The following NUP155 variants were observed in gnomAD, a reference collection of about 807,000 sequenced individuals.
The protein encoded by NUP155 is nuclear pore complex protein Nup155.
Under a neutral mutation model 180.4 loss-of-function variants are expected in NUP155, and 71 were observed. The ratio of observed to expected loss-of-function variants is 0.39; its 90% CI spans 0.33 to 0.48. The LOEUF is 0.48. Among genes scored for constraint, NUP155 ranks in the 20% least tolerant of loss-of-function variants. The pLI is 0.91. For synonymous variants in NUP155, 582 were observed against 559.5 expected, an observed-to-expected ratio of 1.04 and a Z score of -0.57; for missense variants, 1,553 against 1,648.9, an observed-to-expected ratio of 0.94 and a Z score of 1.01.
At position 37,291,493 on chromosome 5, in the gene NUP155, T is replaced by G. The variant is rs948750595; in HGVS notation, c.*407A>C. On this transcript the variant is annotated 3_prime_UTR_variant, in exon 35 of 35. Coordinates refer to ENST00000231498, the MANE Select transcript of NUP155 (RefSeq NM_153485.3). Reference sequence around the variant, plus strand: ...CTCTTGGCCTCGTGATTCGCCCACCTTGGCCTCCCAAAGTGCTGGGATTAC... The same window carrying G: ...CTCTTGGCCTCGTGATTCGCCCACCGTGGCCTCCCAAAGTGCTGGGATTAC... 1 of 165,634 alleles carries G rather than the reference T, an allele frequency of 6.0e-6. No individual in the cohort carries two copies. Among genetic ancestry groups the G allele is most frequent in the African/African-American group, 2.4e-5 (1 of 41,620 alleles). The allele number at this position is 165,634 out of a possible 1,614,324, so 10.3% of individuals were successfully genotyped here. A position where few individuals can be genotyped will look rare whatever the true frequency, so the allele number is the denominator to read the frequency against.
intron 30 of NUP155, chr5:37,301,201 C>T: frequency 2.2e-6 from 1 of 446,992 alleles, no homozygotes; most frequent in Non-Finnish European, 4.1e-6. Flanking sequence ...ACACAGCTCT[C>T]ATGCGAGGAT....
At chr5:37,343,039 G>A (rs1334748726) in intron 9 of NUP155, among the ~76,000 whole-genome samples, 1 of 151,758 alleles carries the variant, frequency 6.6e-6, no homozygotes, top group African/African-American at 2.4e-5. Flanking sequence ...GTGAGCCACT[G>A]TGCCCGACCA....
Position 37,294,025 on chromosome 5 carries a change from A to AAAAAAAAAAAAAAAT in NUP155, c.3930+303_3930+304insATTTTTTTTTTTTTT, listed in dbSNP as rs1742383136. Among the ~76,000 whole-genome samples, 4 of 76,054 alleles carry AAAAAAAAAAAAAAAT rather than the reference A, an allele frequency of 5.3e-5. 1 individual carries two copies. The highest frequency in any genetic ancestry group is 8.4e-5 in the Non-Finnish European group (4 of 47,462). The allele number at this position is 76,054 out of a possible 152,430, so 49.9% of individuals were successfully genotyped here. A position where few individuals can be genotyped will look rare whatever the true frequency, so the allele number is the denominator to read the frequency against. ...CGTCTCAAAAAAAAAAAAAAAAAAAAAAATAAAGCAAATGATGATTCTTAA... is the reference window on the plus strand; with the variant it reads ...CGTCTCAAAAAAAAAAAAAAAAAAAAAAAAAAAAAAAAAATAAATAAAGCAAATGATGATTCTTAA... On this transcript the variant is annotated intron_variant, in intron 33 of 34. Transcript: ENST00000231498.
At chr5:37,331,926 G>GT in intron 13 of NUP155, 131 bp from the exon 14 acceptor site, 2 of 670,378 alleles carry the variant, frequency 3.0e-6, no homozygotes, top group South Asian at 3.1e-5. Context: ...AGTAGGCTGG[G>GT]TATGGTGGCC....
At position 37,319,183 on chromosome 5, in the gene NUP155, C is replaced by T. The variant is rs1744090276; in HGVS notation, c.2208-1098G>A. 2.0e-5 allele frequency among the ~76,000 whole-genome samples: 3 copies of T among 152,094 alleles called. No homozygotes were observed. The South Asian group carries it at 6.2e-4, about 31-fold the overall frequency. ...AGAGCAGATCAGTAAGTGTCTGGGG[C>T]TAAGAAGTGGGAATGGAAAGTGACT... is the stretch of plus-strand genomic sequence containing the variant. On this transcript the variant is annotated intron_variant, in intron 20 of 34. Transcript: ENST00000231498.
chr5:37,329,172 T>C lies in NUP155; in HGVS notation c.1813+18A>G. On this transcript the variant is annotated intron_variant, in intron 16 of 34. Coordinates refer to ENST00000231498, the MANE Select transcript of NUP155 (RefSeq NM_153485.3). ...TCAAACGATTAGAAACAATTTCATT[T>C]CAATGTTCCATACTCACTAGAATAG... The C allele has an allele frequency of 1.3e-6, 2 of 1,569,806 alleles. No homozygotes were observed. Among genetic ancestry groups the C allele is most frequent in the Non-Finnish European group, 1.8e-6 (2 of 1,139,686 alleles).
chr5:37,370,498 C>A (rs1194359882), intron 1 of NUP155, among the ~76,000 whole-genome samples: 1 of 152,214 alleles, frequency 6.6e-6, no homozygotes, highest in Non-Finnish European at 1.5e-5. Flanking sequence ...AAATTTGGGA[C>A]TTGGATCTGG....
At position 37,348,517 on chromosome 5, in the gene NUP155, C is replaced by G; in HGVS notation, c.983G>C (p.Gly328Ala). ...VSQNAIVSAA[G>A]NIARTIDRSV... is the part of the protein sequence containing the mutation. ...AATTACATGTTACCTAGCAATGTTA[C>G]CAGCAGCAGAGACAATGGCATTCTG... Residue 328 changes from glycine (G) to alanine (A), a missense_variant, in exon 9 of 35, where the codon GGT (glycine) becomes GCT (alanine). Coordinates refer to ENST00000231498, the MANE Select transcript of NUP155 (RefSeq NM_153485.3). The G allele has an allele frequency of 6.2e-7, 1 of 1,604,478 alleles. No homozygotes were observed. Among genetic ancestry groups the G allele is most frequent in the East Asian group, 2.2e-5 (1 of 44,808 alleles).
At chr5:37,363,696 T>C (rs1298415442) in intron 3 of NUP155, among the ~76,000 whole-genome samples, 192 bp downstream of exon 3, 2 of 152,192 alleles carry the variant, frequency 1.3e-5, no homozygotes, top group African/African-American at 2.4e-5. Flanking sequence ...ATGCAGACTC[T>C]TGAGCCTCAC....
chr5:37,358,285 C>T, intron 3 of NUP155, 134 bp from the exon 4 acceptor site: 1 of 709,854 alleles, frequency 1.4e-6, no homozygotes, highest in East Asian at 2.6e-5. Flanking sequence ...TCAAGACCAG[C>T]CTGGGCAACA....
At chr5:37,316,919 T>C (rs594478) in intron 21 of NUP155, among the ~76,000 whole-genome samples, 4,311 of 151,100 alleles carry the variant, frequency 0.029, 222 homozygotes, top group African/African-American at 0.099. Flanking sequence ...TCCCAGCACT[T>C]TGGGAGGCTG....
intron 9 of NUP155, among the ~76,000 whole-genome samples, chr5:37,348,102 C>A (rs1004943965): frequency 5.9e-5 from 9 of 152,062 alleles, no homozygotes; most frequent in Admixed American, 1.3e-4. Flanking sequence ...CCACTGCACT[C>A]CCGCCTGGGC....
intron 5 of NUP155, among the ~76,000 whole-genome samples, chr5:37,351,893 TGC>T (rs1491136424): frequency 8.4e-4 from 127 of 151,670 alleles, no homozygotes; most frequent in African/African-American, 3.0e-3. Context: ...TGTGTGTGTG[TGC>T]CTGTGTGTTT....
At chr5:37,295,732 G>A (rs1317410307) in intron 32 of NUP155, among the ~76,000 whole-genome samples, 8 of 151,170 alleles carry the variant, frequency 5.3e-5, no homozygotes, top group African/African-American at 1.7e-4. Flanking sequence ...GTCTCTGCCC[G>A]GCCACCCCGT....
intron 9 of NUP155, among the ~76,000 whole-genome samples, chr5:37,345,270 C>T (rs1165321474): frequency 1.3e-5 from 2 of 151,844 alleles, no homozygotes; most frequent in African/African-American, 4.8e-5. Flanking sequence ...CTTTGAGAGG[C>T]TGAGACATGC....
chr5:37,306,109 C>T (rs891788020), intron 25 of NUP155, among the ~76,000 whole-genome samples: 2 of 152,002 alleles, frequency 1.3e-5, no homozygotes, highest in Non-Finnish European at 2.9e-5. Context: ...AATATGTTTT[C>T]GCCAGATGTG....
chr5:37,304,242 T>A (rs1305269356), intron 27 of NUP155, among the ~76,000 whole-genome samples: 3 of 89,500 alleles, frequency 3.4e-5, no homozygotes, highest in African/African-American at 1.0e-4. Context: ...AGAGCCAGAC[T>A]CCATCTCAAA....
intron 34 of NUP155, among the ~76,000 whole-genome samples, 195 bp from the exon 35 acceptor site, chr5:37,292,233 T>G (rs1001405136): frequency 6.7e-6 from 1 of 150,112 alleles, no homozygotes; most frequent in African/African-American, 2.5e-5. Flanking sequence ...TTTTTTTTTT[T>G]GAGACGGAGT....
At chr5:37,353,568 TGA>T (rs1462728893) in intron 4 of NUP155, among the ~76,000 whole-genome samples, 1 of 151,606 alleles carries the variant, frequency 6.6e-6, no homozygotes, top group East Asian at 1.9e-4. Flanking sequence ...GACGACAGAG[TGA>T]GACTCCATCT....
Sources: allele counts gnomAD v4.1 joint callset (sites outside exome capture counted in the v4.1 genomes callset), GRCh38; gene constraint gnomAD v4.1.1; transcripts MANE v1.5; gene names NCBI Gene and HGNC (gene_info 2026-07-23, HGNC 2026-07-21).